The following A4GALT variants were observed in gnomAD, a reference collection of about 807,000 sequenced individuals.
The protein encoded by A4GALT is alpha 1,4-galactosyltransferase (P1PK blood group).
For synonymous variants in A4GALT, 257 were observed against 220.7 expected (o/e 1.16, Z -1.46); for missense variants, 512 against 486.0 (o/e 1.05, Z -0.50).
intron 1 of A4GALT, among the ~76,000 whole-genome samples, chr22:42,703,106 CTG>C (rs3985930): frequency 0.018 from 2,373 of 134,066 alleles, 42 homozygotes; most frequent in African/African-American, 0.042. Context: ...TGCTGCCCCA[CTG>C]TGTGTGTGTG....
chr22:42,701,335 G>A (rs1481938943), intron 1 of A4GALT, among the ~76,000 whole-genome samples: 2 of 152,184 alleles, frequency 1.3e-5, no homozygotes, highest in African/African-American at 2.4e-5. Context: ...GGGATTAAGT[G>A]TGGTCAGGGC....
intron 1 of A4GALT, among the ~76,000 whole-genome samples, chr22:42,709,010 T>A (rs1461013905): frequency 6.7e-6 from 1 of 150,084 alleles, no homozygotes; most frequent in Non-Finnish European, 1.5e-5. Flanking sequence ...AGATAATGTT[T>A]AAACTGTTAA....
At chr22:42,716,333 G>T (rs1445381202) in intron 1 of A4GALT, among the ~76,000 whole-genome samples, 1 of 152,164 alleles carries the variant, frequency 6.6e-6, no homozygotes, top group Non-Finnish European at 1.5e-5. Flanking sequence ...TGCTGACGGG[G>T]TGAGAAGGCT....
Position 42,692,839 on chromosome 22 carries a change from C to T in A4GALT, c.*51G>A, listed in dbSNP as rs763573799. 30 of 1,590,682 alleles carry T rather than the reference C, an allele frequency of 1.9e-5. No individual in the cohort carries two copies. Among genetic ancestry groups the T allele is most frequent in the South Asian group, 1.7e-4 (15 of 90,616 alleles). Reference sequence around the variant, plus strand: ...CTCAATCTTGCCTCCCCGGGAAGGGCGGCCCAGTGCCCCATCAGGAGCAGG... The same window carrying T: ...CTCAATCTTGCCTCCCCGGGAAGGGTGGCCCAGTGCCCCATCAGGAGCAGG... On this transcript the variant is annotated 3_prime_UTR_variant, in exon 3 of 3. Transcript: ENST00000642412. The surrounding 1 kb of genome is among the most constrained non-coding windows in gnomAD (Gnocchi z 4.6).
intron 1 of A4GALT, among the ~76,000 whole-genome samples, chr22:42,698,086 T>C (rs1931059646): frequency 6.6e-6 from 1 of 151,976 alleles, no homozygotes; most frequent in African/African-American, 2.4e-5. Context: ...CCATCTCTAC[T>C]GAAAATACAA....
At chr22:42,694,925 C>A (rs1601983087) in intron 2 of A4GALT, 2 of 152,292 alleles carry the variant, frequency 1.3e-5, no homozygotes, top group Admixed American at 1.3e-4. Flanking sequence ...TTATAACCAC[C>A]CTATGGGGTG....
At chr22:42,702,434 C>T (rs1264984204) in intron 1 of A4GALT, among the ~76,000 whole-genome samples, 4 of 152,012 alleles carry the variant, frequency 2.6e-5, no homozygotes, top group African/African-American at 4.8e-5. Flanking sequence ...TTCCGCCGCC[C>T]GGGTTCAAGC....
At chr22:42,706,655 C>A (rs1248951290) in intron 1 of A4GALT, among the ~76,000 whole-genome samples, 1 of 151,860 alleles carries the variant, frequency 6.6e-6, no homozygotes, top group African/African-American at 2.4e-5. Flanking sequence ...ACTAGCTGGG[C>A]ATGGTGGCAG....
At chr22:42,703,106 C>CTG (rs3985930) in intron 1 of A4GALT, among the ~76,000 whole-genome samples, 5,022 of 133,990 alleles carry the variant, frequency 0.037, 150 homozygotes, top group Middle Eastern at 0.072. Flanking sequence ...TGCTGCCCCA[C>CTG]TGTGTGTGTG....
Position 42,705,684 on chromosome 22 carries a change from G to A in A4GALT, c.-187-10053C>T, listed in dbSNP as rs1921017459. On this transcript the variant is annotated intron_variant, in intron 1 of 2. Transcript: ENST00000642412. ...AAATTCGAATCCAAAATTACAGCAT[G>A]AATTTAAAAATAAAAACACTTTAAA... 1.6e-5 allele frequency among the ~76,000 whole-genome samples: 2 copies of A among 124,862 alleles called. 1 individual carries two copies. The highest frequency in any genetic ancestry group is 3.7e-5 in the Non-Finnish European group (2 of 53,692). 81.9% of individuals were successfully genotyped at this position (124,862 alleles called of 152,430 possible).
At position 42,692,992 on chromosome 22, in the gene A4GALT, C is replaced by T; in HGVS notation, c.960G>A (p.Lys320=). 3.1e-6 allele frequency: 5 copies of T among 1,613,636 alleles called. No individual in the cohort carries two copies. The South Asian group carries it at 5.5e-5, about 18-fold the overall frequency. ...ATYAVHVWNK[K]SQGTRFEATS... ...TGGCCTCGAACCGCGTGCCCTGGCT[C>T]TTCTTGTTCCACACGTGGACAGCAT... Residue 320 remains lysine (K), a synonymous_variant, in exon 3 of 3, where the codon AAG becomes AAA. Transcript: ENST00000642412. This position sits in a 1 kb window ranked among gnomAD's most constrained non-coding sequence, Gnocchi z 4.6.
In A4GALT at chr22:42,693,923, C is replaced by T. The variant is rs760980696; in HGVS notation, c.29G>A (p.Arg10Gln). The T allele has an allele frequency of 1.7e-5, 27 of 1,602,402 alleles. No individual in the cohort carries two copies. The highest frequency in any genetic ancestry group is 1.2e-4 in the Admixed American group (7 of 58,560). ...CTGCCTTGGGGCGCCCCGGAGCAGCCGCAGCAGGAGGTCGGGGGGCTTGGA... is the reference window on the plus strand; with the variant it reads ...CTGCCTTGGGGCGCCCCGGAGCAGCTGCAGCAGGAGGTCGGGGGGCTTGGA... MSKPPDLLL[R>Q]LLRGAPRQRV... The change falls in exon 3 of 3, where the codon CGG (arginine) becomes CAG (glutamine). Residue 10 changes from arginine to glutamine, a missense_variant. Arg to Gln is a conservative substitution (Grantham distance 43). Transcript: ENST00000642412.
chr22:42,705,863 G>A (rs1401562569), intron 1 of A4GALT, among the ~76,000 whole-genome samples: 1 of 120,650 alleles, frequency 8.3e-6, no homozygotes, highest in African/African-American at 2.7e-5. Flanking sequence ...ATTACAGCCC[G>A]ACCAATATGG....
chr22:42,713,804 C>T (rs1232178817), intron 1 of A4GALT, among the ~76,000 whole-genome samples: 1 of 116,070 alleles, frequency 8.6e-6, no homozygotes, highest in African/African-American at 3.9e-5. Flanking sequence ...AAGAGCGAAA[C>T]TCTGTCAAAA....
intron 1 of A4GALT, among the ~76,000 whole-genome samples, chr22:42,696,945 C>A (rs896335999): frequency 2.0e-5 from 3 of 151,322 alleles, no homozygotes; most frequent in Non-Finnish European, 4.4e-5. Context: ...CCTCCCTGGG[C>A]CCCCTGAAAT....
chr22:42,715,509 C>G (rs1344754814), intron 1 of A4GALT, among the ~76,000 whole-genome samples: 1 of 151,966 alleles, frequency 6.6e-6, no homozygotes, highest in African/African-American at 2.4e-5. Flanking sequence ...ATCACTTGAG[C>G]CCAGGAGCTC....
Position 42,693,132 on chromosome 22 carries a change from G to A in A4GALT, c.820C>T (p.Arg274Cys), listed in dbSNP as rs770640796. Reference sequence around the variant, plus strand: ...TCAGGGGGCAGGGTGGTGACGCCGCGGCAGGCGCGGCTCTCGGCCAGGCTG... The same window carrying A: ...TCAGGGGGCAGGGTGGTGACGCCGCAGCAGGCGCGGCTCTCGGCCAGGCTG... ...IRSLAESRACRGVTTLPPEAF... is the reference protein window; with the variant it reads ...IRSLAESRACCGVTTLPPEAF... The change falls in exon 3 of 3, where the codon CGC becomes TGC. Residue 274 changes from arginine to cysteine, a missense_variant. By Grantham distance (180) the Arg-to-Cys change is radical. Transcript: ENST00000642412. 7 of 1,605,630 alleles carry A rather than the reference G, an allele frequency of 4.4e-6. No individual in the cohort carries two copies. Among genetic ancestry groups the A allele is most frequent in the East Asian group, 2.2e-5 (1 of 44,460 alleles).
Position 42,693,235 on chromosome 22 carries a change from G to A in A4GALT, c.717C>T (p.Asp239=), listed in dbSNP as rs1569025073. ...FMALCMRDFV[D]HYNGWIWGHQ... ...GACCCCAGATCCAGCCGTTGTAGTG[G>A]TCCACGAAGTCCCGCATGCACAGCG... Residue 239 remains aspartate, a synonymous_variant, in exon 3 of 3, where the codon GAC becomes GAT. Coordinates refer to ENST00000642412, the MANE Select transcript of A4GALT (RefSeq NM_017436.7). The A allele has an allele frequency of 1.9e-6, 3 of 1,610,190 alleles. No homozygotes were observed. In the African/African-American group the frequency reaches 4.0e-5, roughly 22 times the overall value.
Position 42,692,401 on chromosome 22 carries a change from G to A in A4GALT, c.*489C>T. On this transcript the variant is annotated 3_prime_UTR_variant, in exon 3 of 3. Transcript: ENST00000642412. This position sits in a 1 kb window ranked among gnomAD's most constrained non-coding sequence, Gnocchi z 4.6. ...TTGACCTCCCCCACCCCCCGCGAAA[G>A]AGGAACCAAAACCAGAAAAGAACAA... is the stretch of plus-strand genomic sequence containing the variant. 1 of 306,194 alleles carries A rather than the reference G, an allele frequency of 3.3e-6. No homozygotes were observed. Among genetic ancestry groups the A allele is most frequent in the Non-Finnish European group, 6.4e-6 (1 of 155,074 alleles). 19.0% of individuals were successfully genotyped at this position (306,194 alleles called of 1,614,324 possible). A position where few individuals can be genotyped will look rare whatever the true frequency, so the allele number is the denominator to read the frequency against.
Sources: gnomAD v4.1 joint callset for allele counts (sites outside exome capture counted in the v4.1 genomes callset) on GRCh38, gnomAD v4.1.1 for gene constraint, Gnocchi (gnomAD v3.1) non-coding constraint, MANE v1.5 for transcripts, NCBI Gene and HGNC (gene_info 2026-07-23, HGNC 2026-07-21) for gene names.